CDK14: variants seen among roughly 807,000 people sequenced by gnomAD.
CDK14 encodes cyclin dependent kinase 14, also known as cyclin-dependent kinase 14.
A neutral mutation model predicts 60.7 loss-of-function variants in CDK14; 34 were observed. The observed-to-expected ratio is 0.56, with a 90% CI of 0.43 to 0.75. The LOEUF (loss-of-function observed/expected upper bound fraction) is 0.75, where lower values mean the gene tolerates loss of function less well. Ranked by LOEUF, CDK14 falls within the 30% of genes least tolerant of loss-of-function variation. CDK14 has a pLI of 0.00. For synonymous variants in CDK14, 197 were observed against 203.7 expected, an observed-to-expected ratio of 0.97 and a Z score of 0.28; for missense variants, 482 against 564.1, an observed-to-expected ratio of 0.85 and a Z score of 1.47.
intron 5 of CDK14, among the ~76,000 whole-genome samples, chr7:90,818,118 AC>A (rs1405738911): frequency 6.6e-6 from 1 of 152,132 alleles, no homozygotes; most frequent in Non-Finnish European, 1.5e-5. Context: ...GCAGACTGTT[AC>A]CCCAACTCCT....
chr7:90,664,202 T>G (rs1476945876), intron 2 of CDK14, among the ~76,000 whole-genome samples: 1 of 152,254 alleles, frequency 6.6e-6, no homozygotes, highest in Non-Finnish European at 1.5e-5. Context: ...TCATCATCAC[T>G]GACCATCAGA....
chr7:91,134,123 G>C (rs964772713), intron 14 of CDK14, among the ~76,000 whole-genome samples: 16 of 152,066 alleles, frequency 1.1e-4, no homozygotes, highest in African/African-American at 3.1e-4. Context: ...GGCTTTTTGT[G>C]GGGGGAGGGC....
Position 90,769,455 on chromosome 7 carries a change from ATTTC to A in CDK14, c.465-21112_465-21109del, listed in dbSNP as rs1450637198. Among the ~76,000 whole-genome samples the A allele has an allele frequency of 2.8e-5, 4 of 142,970 alleles. No individual in the cohort carries two copies. In the East Asian group the frequency reaches 8.7e-4, roughly 31 times the overall value. 93.8% of individuals were successfully genotyped at this position (142,970 alleles called of 152,430 possible). ...ACATTTAGGAAAGCTGACTTCTGTG[ATTTC>A]TTTCTCTTTTCTTTCTTTTTTTTTT... On this transcript the variant is annotated intron_variant, in intron 4 of 14. Transcript: ENST00000380050.
chr7:90,740,701 C>T (rs1584844669), intron 3 of CDK14, among the ~76,000 whole-genome samples: 1 of 152,320 alleles, frequency 6.6e-6, no homozygotes, highest in Middle Eastern at 3.4e-3. Context: ...ACACCTCTAG[C>T]AATCCATACA....
At chr7:90,985,381 A>G (rs930027192) in intron 10 of CDK14, among the ~76,000 whole-genome samples, 1 of 152,134 alleles carries the variant, frequency 6.6e-6, no homozygotes, top group Admixed American at 6.5e-5. Context: ...AGAATAATTG[A>G]CTAATATAGT....
At chr7:90,998,693 CCTGG>C (rs1454276993) in intron 10 of CDK14, among the ~76,000 whole-genome samples, 1 of 152,118 alleles carries the variant, frequency 6.6e-6, no homozygotes, top group Non-Finnish European at 1.5e-5. Context: ...TCAAGATCGT[CCTGG>C]CTAACACGGT....
chr7:91,147,436 C>T (rs182153745), intron 14 of CDK14, among the ~76,000 whole-genome samples: 277 of 152,162 alleles, frequency 1.8e-3, no homozygotes, highest in Middle Eastern at 3.4e-3. Flanking sequence ...GTTTTCTTTC[C>T]CGGAGAAAAC....
intron 2 of CDK14, among the ~76,000 whole-genome samples, chr7:90,637,700 C>A (rs1186258592): frequency 1.4e-5 from 2 of 146,660 alleles, no homozygotes; most frequent in African/African-American, 5.1e-5. Flanking sequence ...TGTTAACTTT[C>A]TGTCTCGTTG....
intron 14 of CDK14, among the ~76,000 whole-genome samples, chr7:91,125,278 G>A (rs999681956): frequency 6.6e-5 from 10 of 151,994 alleles, no homozygotes; most frequent in Admixed American, 6.6e-4. Context: ...CAAGAGCCAG[G>A]GTTTCATGTC....
intron 2 of CDK14, among the ~76,000 whole-genome samples, chr7:90,614,006 CTTTTT>C (rs34900577): frequency 7.6e-6 from 1 of 130,808 alleles, no homozygotes; most frequent in Non-Finnish European, 1.6e-5. Flanking sequence ...GTCCCAAACA[CTTTTT>C]TTTTTTTTTT....
intron 5 of CDK14, among the ~76,000 whole-genome samples, chr7:90,803,241 T>C (rs934563554): frequency 6.6e-6 from 1 of 152,068 alleles, no homozygotes; most frequent in African/African-American, 2.4e-5. Flanking sequence ...ATTGTGGGGA[T>C]TGAGTAAGAG....
intron 2 of CDK14, among the ~76,000 whole-genome samples, chr7:90,722,055 A>C (rs1003910295): frequency 1.3e-5 from 2 of 151,614 alleles, no homozygotes; most frequent in Non-Finnish European, 2.9e-5. Context: ...CTCTTCATGC[A>C]CTCTGGATAC....
At position 91,155,055 on chromosome 7, in the gene CDK14, T is replaced by A. The variant is rs577700421; in HGVS notation, c.*28+36847T>A. Among the ~76,000 whole-genome samples, 218 of 152,258 alleles carry A rather than the reference T, an allele frequency of 1.4e-3. 1 individual carries two copies. The highest frequency in any genetic ancestry group is 5.0e-3 in the African/African-American group (209 of 41,552). On this transcript the variant is annotated intron_variant, in intron 14 of 14. Transcript: ENST00000380050. ...AGGGTAAAGAACGAGGAAGGGCATG[T>A]TGATTTGGTAATGATCAGAAGTGAA...
At chr7:90,677,626 A>G (rs1038094854) in intron 2 of CDK14, among the ~76,000 whole-genome samples, 1 of 152,104 alleles carries the variant, frequency 6.6e-6, no homozygotes, top group Non-Finnish European at 1.5e-5. Context: ...AGAAGAATAC[A>G]TAATATGTTT....
chr7:90,822,530 G>C (rs79266193), intron 5 of CDK14, among the ~76,000 whole-genome samples: 3,642 of 152,056 alleles, frequency 0.024, 130 homozygotes, highest in African/African-American at 0.082. Flanking sequence ...TTCTTGTCCT[G>C]ATGCCCAGTG....
chr7:90,756,373 T>A (rs1344958370), intron 4 of CDK14, among the ~76,000 whole-genome samples: 1 of 152,254 alleles, frequency 6.6e-6, no homozygotes, highest in Non-Finnish European at 1.5e-5. Flanking sequence ...AGTTGAAGAA[T>A]TTTTCATTTA....
chr7:90,743,811 T>A (rs1430010845), intron 3 of CDK14, among the ~76,000 whole-genome samples: 1 of 152,118 alleles, frequency 6.6e-6, no homozygotes, highest in African/African-American at 2.4e-5. Flanking sequence ...GGTATTATTT[T>A]AAAAAATGCT....
chr7:91,156,345 G>C (rs1398327496), intron 14 of CDK14, among the ~76,000 whole-genome samples: 1 of 152,122 alleles, frequency 6.6e-6, no homozygotes, highest in East Asian at 1.9e-4. Flanking sequence ...GGCTTAAACT[G>C]TTCTTTGTCC....
intron 10 of CDK14, among the ~76,000 whole-genome samples, chr7:91,039,516 T>C (rs1341117350): frequency 6.6e-6 from 1 of 152,178 alleles, no homozygotes; most frequent in African/African-American, 2.4e-5. Flanking sequence ...CCATTCCCCT[T>C]TCCAGAGACC....
Sources: gnomAD v4.1 joint callset for allele counts (sites outside exome capture counted in the v4.1 genomes callset) on GRCh38, gnomAD v4.1.1 for gene constraint, MANE v1.5 for transcripts, NCBI Gene and HGNC (gene_info 2026-07-23, HGNC 2026-07-21) for gene names.